The following ARVCF variants were observed in gnomAD, a reference collection of about 807,000 sequenced individuals.
ARVCF encodes splicing regulator ARVCF.
In ARVCF, 66 loss-of-function variants were observed where a neutral mutation model predicts 90.9. The ratio of observed to expected loss-of-function variants is 0.73; its 90% CI spans 0.60 to 0.89. The LOEUF (loss-of-function observed/expected upper bound fraction) is 0.89, where lower values mean the gene tolerates loss of function less well. Ranked by LOEUF, ARVCF falls within the 40% of genes least tolerant of loss-of-function variation. The probability of loss-of-function intolerance (pLI) is 0.00; values close to 1 mark genes in which losing one functional copy is unlikely to be tolerated. For synonymous variants in ARVCF, 653 were observed against 603.4 expected (o/e 1.08, Z -1.21); for missense variants, 1,469 against 1,382.3 (o/e 1.06, Z -1.00).
intron 12 of ARVCF, 76 bp from the exon 13 acceptor site, chr22:19,973,869 C>T: frequency 1.9e-6 from 3 of 1,539,188 alleles, no homozygotes; most frequent in African/African-American, 1.4e-5. Context: ...ACCGCTCTCT[C>T]CAGCTGGACC....
chr22:19,985,105 A>G (rs1410515975), intron 3 of ARVCF, among the ~76,000 whole-genome samples: 1 of 151,896 alleles, frequency 6.6e-6, no homozygotes, highest in East Asian at 1.9e-4. Flanking sequence ...TCTGCCTCAG[A>G]CCCAACTCTG....
At chr22:19,988,600 C>G (rs1295394158) in intron 3 of ARVCF, among the ~76,000 whole-genome samples, 1 of 152,244 alleles carries the variant, frequency 6.6e-6, no homozygotes, top group Non-Finnish European at 1.5e-5. Flanking sequence ...TGCAGCAGCA[C>G]TCCCCCTAGC....
rs1332629696 is a variant in ARVCF at position 19,973,726 on chromosome 22, T to C, written c.2156A>G (p.Gln719Arg). ...GCGCACCACCTTGTCGGTCTCAGAC[T>C]GCAGCAGTTCCACAAGCACCGGCAG... ...RGLPVLVELL[Q>R]SETDKVVRAV... is the part of the protein sequence containing the mutation. The change falls in exon 13 of 20, where the codon CAG becomes CGG. Residue 719 changes from glutamine to arginine, a missense_variant. Physicochemically the swap from Gln to Arg is conservative, Grantham distance 43. Coordinates refer to ENST00000263207, the MANE Select transcript of ARVCF (RefSeq NM_001670.3). The C allele has an allele frequency of 2.5e-6, 4 of 1,609,654 alleles. No homozygotes were observed. In the South Asian group the frequency reaches 4.4e-5, roughly 18 times the overall value.
downstream of ARVCF, among the ~76,000 whole-genome samples, chr22:19,965,983 C>T (rs1276882130): frequency 1.3e-5 from 2 of 152,248 alleles, no homozygotes; most frequent in African/African-American, 2.4e-5. Flanking sequence ...GCTGGGCCTG[C>T]GTTACTGCGG....
chr22:19,967,563 C>T (rs910041216), downstream of ARVCF: 6 of 368,810 alleles, frequency 1.6e-5, no homozygotes, highest in South Asian at 4.1e-5. Flanking sequence ...TGGAAACGAC[C>T]GCCACCCACC....
intron 8 of ARVCF, 74 bp from the exon 9 acceptor site, chr22:19,977,660 G>C (rs1474707742): frequency 6.8e-7 from 1 of 1,474,872 alleles, no homozygotes; most frequent in African/African-American, 1.4e-5. Flanking sequence ...ACTGGCCACA[G>C]CTGGTGTGCA....
chr22:19,977,539 C>T lies in ARVCF; in HGVS notation c.1746G>A (p.Val582=). 2 of 1,594,478 alleles carry T rather than the reference C, an allele frequency of 1.3e-6. No individual in the cohort carries two copies. Among genetic ancestry groups the T allele is most frequent in the Non-Finnish European group, 1.7e-6 (2 of 1,169,624 alleles). The part of the protein sequence containing the change: ...VCIMRNLSYH[V]HKEVPGADRY... Reference sequence around the variant, plus strand: ...TGTCGGCCCCGGGCACCTCCTTGTGCACGTGGTAGGACAGGTTCCGCATGA... The same window carrying T: ...TGTCGGCCCCGGGCACCTCCTTGTGTACGTGGTAGGACAGGTTCCGCATGA... Residue 582 remains valine (V), a synonymous_variant, in exon 9 of 20, where the codon GTG becomes GTA. Coordinates refer to ENST00000263207, the MANE Select transcript of ARVCF (RefSeq NM_001670.3).
intron 2 of ARVCF, among the ~76,000 whole-genome samples, chr22:19,995,720 C>T (rs1278079591): frequency 1.3e-5 from 2 of 152,146 alleles, no homozygotes; most frequent in African/African-American, 2.4e-5. Flanking sequence ...GGGTGGCAGG[C>T]GGGGCCTGGC....
chr22:20,004,050 A>G (rs746503247), intron 2 of ARVCF, among the ~76,000 whole-genome samples: 7 of 152,208 alleles, frequency 4.6e-5, no homozygotes, highest in African/African-American at 1.7e-4. Flanking sequence ...GAATACCCAG[A>G]AATCAGTTGC....
chr22:19,996,688 C>T (rs1034565), intron 2 of ARVCF, among the ~76,000 whole-genome samples: 37,508 of 152,180 alleles, frequency 0.25, 4,984 homozygotes, highest in South Asian at 0.33. Flanking sequence ...TCGAAGCACG[C>T]GCCGCTGGCA....
In ARVCF at chr22:19,981,527, C is replaced by A; in HGVS notation, c.580G>T (p.Glu194Ter). The change falls in exon 5 of 20, where the codon GAG (glutamate) becomes TAG (stop). Residue 194 changes from glutamate (E) to a stop codon, truncating the protein, a stop_gained. Coordinates refer to ENST00000263207, the MANE Select transcript of ARVCF (RefSeq NM_001670.3). LOFTEE classifies it high-confidence loss of function. ...SSGGGFPEGP[E>*]PRDSPSYGSL... is the part of the protein sequence containing the mutation. ...CCATAGCTGGGGCTGTCCCGGGGCTCGGGGCCTTCGGGAAAGCCACCCCCA... is the reference window on the plus strand; with the variant it reads ...CCATAGCTGGGGCTGTCCCGGGGCTAGGGGCCTTCGGGAAAGCCACCCCCA... 1 of 1,577,488 alleles carries A rather than the reference C, an allele frequency of 6.3e-7. No individual in the cohort carries two copies.
chr22:19,997,852 T>C (rs539093903), intron 2 of ARVCF, among the ~76,000 whole-genome samples: 2 of 152,318 alleles, frequency 1.3e-5, no homozygotes, highest in Admixed American at 6.5e-5. Context: ...GGCTGGCCCA[T>C]TGCCTCCACG....
chr22:19,966,292 T>A (rs1942384357), downstream of ARVCF, among the ~76,000 whole-genome samples: 1 of 151,972 alleles, frequency 6.6e-6, no homozygotes, highest in South Asian at 2.1e-4. Context: ...GTGGGTTCTG[T>A]GAGCATCGGA....
At chr22:19,987,853 T>C (rs1224976392) in intron 3 of ARVCF, among the ~76,000 whole-genome samples, 2 of 152,054 alleles carry the variant, frequency 1.3e-5, no homozygotes, top group Non-Finnish European at 2.9e-5. Context: ...AAGCCCCGAA[T>C]GCACCCCCAC....
chr22:19,994,500 AGATGAATG>A (rs1471611271), intron 2 of ARVCF, among the ~76,000 whole-genome samples: 1 of 87,692 alleles, frequency 1.1e-5, no homozygotes, highest in African/African-American at 4.6e-5. Flanking sequence ...ATGAACATAT[AGATGAATG>A]GATGGATGGG....
chr22:19,974,636 A>G (rs1482896920), intron 11 of ARVCF, among the ~76,000 whole-genome samples: 2 of 152,104 alleles, frequency 1.3e-5, no homozygotes, highest in Non-Finnish European at 2.9e-5. Context: ...TTGGCCAGTA[A>G]CTGAGAGTTG....
At chr22:19,977,362 G>T in intron 9 of ARVCF, 53 bp downstream of exon 9, 2 of 1,462,800 alleles carry the variant, frequency 1.4e-6, no homozygotes, top group Non-Finnish European at 1.8e-6. Flanking sequence ...AGAGCCTTCC[G>T]CTGGGGCAGG....
chr22:19,967,920 T>C (rs1326395837), downstream of ARVCF, among the ~76,000 whole-genome samples: 1 of 152,256 alleles, frequency 6.6e-6, no homozygotes, highest in African/African-American at 2.4e-5. Context: ...TATGGCTGCG[T>C]GTCCAGTAAC....
intron 2 of ARVCF, among the ~76,000 whole-genome samples, chr22:20,005,574 CTT>C: frequency 6.6e-6 from 1 of 152,262 alleles, no homozygotes; most frequent in East Asian, 1.9e-4. Context: ...AATCCCAACA[CTT>C]TGGGAGGCCG....
Sources: gnomAD v4.1 joint callset for allele counts (sites outside exome capture counted in the v4.1 genomes callset) on GRCh38, gnomAD v4.1.1 for gene constraint, MANE v1.5 for transcripts, NCBI Gene and HGNC (gene_info 2026-07-23, HGNC 2026-07-21) for gene names.